The following TNR variants were observed in gnomAD, a reference collection of about 807,000 sequenced individuals.
TNR encodes tenascin-R.
Under a neutral mutation model 150.4 loss-of-function variants are expected in TNR, and 45 were observed. The observed-to-expected ratio is 0.30, with a 90% confidence interval of 0.24 to 0.38. TNR has a LOEUF of 0.38. TNR is among the 10% of genes least tolerant of loss of function. The pLI is 1.00. For missense variants in TNR, 1,544 were observed against 1,759.1 expected (o/e 0.88, Z 2.19); for synonymous variants, 687 against 678.4 (o/e 1.01, Z -0.20).
intron 2 of TNR, among the ~76,000 whole-genome samples, chr1:175,518,603 G>A (rs1046359262): frequency 2.0e-5 from 3 of 152,092 alleles, no homozygotes; most frequent in Admixed American, 2.0e-4. Flanking sequence ...TGAATGCTCT[G>A]CATACAATTC....
intron 18 of TNR, among the ~76,000 whole-genome samples, chr1:175,347,104 C>T (rs907864745): frequency 6.6e-6 from 1 of 151,988 alleles, no homozygotes; most frequent in African/African-American, 2.4e-5. Flanking sequence ...AGTGCATTAA[C>T]AAATCATATT....
intron 2 of TNR, among the ~76,000 whole-genome samples, chr1:175,409,339 A>G (rs1174993908): frequency 2.0e-5 from 3 of 152,244 alleles, no homozygotes; most frequent in African/African-American, 7.2e-5. Context: ...GACACTCAAA[A>G]TAAGTGAATG....
At chr1:175,496,722 T>C (rs1187710039) in intron 2 of TNR, among the ~76,000 whole-genome samples, 3 of 152,226 alleles carry the variant, frequency 2.0e-5, no homozygotes, top group Non-Finnish European at 4.4e-5. Context: ...TCAAGTCTCC[T>C]AGCTGTTAAA....
At chr1:175,658,939 G>A (rs1382399595) in intron 1 of TNR, among the ~76,000 whole-genome samples, 1 of 152,222 alleles carries the variant, frequency 6.6e-6, no homozygotes, top group African/African-American at 2.4e-5. Context: ...CTCCTGAGTT[G>A]AGCTAGACCA....
At chr1:175,688,536 A>C (rs1666266162) in intron 1 of TNR, among the ~76,000 whole-genome samples, 1 of 152,212 alleles carries the variant, frequency 6.6e-6, no homozygotes. Flanking sequence ...CACAGACCCC[A>C]GTTTTGTTCT....
intron 1 of TNR, among the ~76,000 whole-genome samples, chr1:175,692,060 G>A (rs576111042): frequency 4.7e-4 from 72 of 152,292 alleles, no homozygotes; most frequent in African/African-American, 1.7e-3. Context: ...CGGTTCCCAT[G>A]ACATACTTCA....
intron 2 of TNR, among the ~76,000 whole-genome samples, chr1:175,408,047 C>T (rs1654039502): frequency 6.6e-6 from 1 of 152,206 alleles, no homozygotes; most frequent in Non-Finnish European, 1.5e-5. Flanking sequence ...CTCCTGCCTC[C>T]TCTGCTATTC....
rs141648181 is a variant in TNR at position 175,532,671 on chromosome 1, T to C, written c.-164-4302A>G. ...ATTCAGAAGCAGTTTATCTGAGTGG[T>C]TCTGGCTCAGGGTCTCTCACGAGGT... is the stretch of plus-strand genomic sequence containing the variant. On this transcript the variant is annotated intron_variant, in intron 1 of 22. Coordinates refer to ENST00000367674, the MANE Select transcript of TNR (RefSeq NM_003285.3). Among the ~76,000 whole-genome samples, 5 of 152,318 alleles carry C rather than the reference T, an allele frequency of 3.3e-5. 1 individual carries two copies. The highest frequency in any genetic ancestry group is 6.5e-5 in the Admixed American group (1 of 15,304).
At chr1:175,566,255 C>T (rs368129375) in intron 1 of TNR, among the ~76,000 whole-genome samples, 11 of 152,304 alleles carry the variant, frequency 7.2e-5, no homozygotes, top group African/African-American at 2.6e-4. Flanking sequence ...AGCCTTTTAC[C>T]CTATGATGTA....
intron 1 of TNR, among the ~76,000 whole-genome samples, chr1:175,684,046 G>A (rs1666117117): frequency 6.6e-6 from 1 of 152,154 alleles, no homozygotes; most frequent in African/African-American, 2.4e-5. Flanking sequence ...GACTTCCTAT[G>A]GACTCTGATG....
chr1:175,683,412 C>G, intron 1 of TNR, among the ~76,000 whole-genome samples: 1 of 152,184 alleles, frequency 6.6e-6, no homozygotes, highest in East Asian at 1.9e-4. Flanking sequence ...CAAGTCAGAG[C>G]TGCTTTTACT....
At position 175,406,290 on chromosome 1, in the gene TNR, T is replaced by C; in HGVS notation, c.425A>G (p.Glu142Gly). 1 of 1,614,158 alleles carries C rather than the reference T, an allele frequency of 6.2e-7. No homozygotes were observed. The highest frequency in any genetic ancestry group is 2.2e-5 in the East Asian group (1 of 44,874). The change falls in exon 3 of 23, where the codon GAG (glutamate) becomes GGG (glycine). Residue 142 changes from glutamate to glycine, a missense_variant. Physicochemically the swap from Glu to Gly is moderately conservative, Grantham distance 98. Transcript: ENST00000367674. ...CACCGACACCTCCCTCTCCAGCATC[T>C]CGATCCGGCTCAGCAGCTCCTGCAG... ...QVLQELLSRI[E>G]MLEREVSVLR...
intron 2 of TNR, among the ~76,000 whole-genome samples, chr1:175,453,741 A>T (rs1325100287): frequency 4.0e-5 from 6 of 151,898 alleles, no homozygotes; most frequent in African/African-American, 9.7e-5. Flanking sequence ...CTGGCTAATT[A>T]AAAAAGTTTT....
chr1:175,387,946 C>A (rs1453593575), intron 7 of TNR, among the ~76,000 whole-genome samples: 1 of 152,212 alleles, frequency 6.6e-6, no homozygotes, highest in African/African-American at 2.4e-5. Context: ...AATCACCAGA[C>A]CACTTGGGTG....
chr1:175,350,509 G>A (rs1002618395), intron 18 of TNR, among the ~76,000 whole-genome samples: 16 of 152,260 alleles, frequency 1.1e-4, no homozygotes, highest in African/African-American at 3.1e-4. Flanking sequence ...AATTTCAGGC[G>A]ACAGTAAATT....
At chr1:175,353,851 A>ATTTTTATTTTT (rs1553207229) in intron 18 of TNR, among the ~76,000 whole-genome samples, 1 of 146,206 alleles carries the variant, frequency 6.8e-6, no homozygotes, top group African/African-American at 2.5e-5. Flanking sequence ...ATTTTTATTT[A>ATTTTTATTTTT]TTTTTTTTTT....
At chr1:175,558,141 A>T (rs1661256328) in intron 1 of TNR, among the ~76,000 whole-genome samples, 2 of 108,030 alleles carry the variant, frequency 1.9e-5, no homozygotes, top group East Asian at 3.1e-4. Flanking sequence ...GGGAGGGGGG[A>T]GGGATAGCAT....
intron 15 of TNR, among the ~76,000 whole-genome samples, chr1:175,356,772 C>T (rs957183369): frequency 2.4e-4 from 36 of 152,180 alleles, no homozygotes; most frequent in African/African-American, 7.2e-4. Context: ...ACCACCCTTC[C>T]TAATCAAGTT....
chr1:175,485,271 C>G (rs80332750), intron 2 of TNR, among the ~76,000 whole-genome samples: 3 of 152,176 alleles, frequency 2.0e-5, no homozygotes, highest in Non-Finnish European at 4.4e-5. Context: ...GGAGCAGGCA[C>G]AAGAGAGCTT....
Sources: gnomAD v4.1 joint callset for allele counts (sites outside exome capture counted in the v4.1 genomes callset) on GRCh38, gnomAD v4.1.1 for gene constraint, MANE v1.5 for transcripts, NCBI Gene and HGNC (gene_info 2026-07-23, HGNC 2026-07-21) for gene names.